TSHR: variants seen among roughly 807,000 people sequenced by gnomAD.
The protein encoded by TSHR is thyrotropin receptor.
Under a neutral mutation model 64.1 loss-of-function variants are expected in TSHR, and 51 were observed. The observed-to-expected ratio is 0.80, with a 90% CI of 0.64 to 1.01. The LOEUF is 1.01. Ranked by LOEUF, TSHR falls within the 50% of genes least tolerant of loss-of-function variation. TSHR has a pLI of 0.00. For synonymous variants in TSHR, 361 were observed against 361.9 expected, an observed-to-expected ratio of 1.00 and a Z score of 0.03; for missense variants, 877 against 942.8, an observed-to-expected ratio of 0.93 and a Z score of 0.91.
rs191159527 is a variant in TSHR at position 81,141,050 on chromosome 14, C to T, written c.881+1183C>T. ...CTGAGGCAGAAGAATTGCTTGAACC[C>T]GGTAGGCGGAGGTTGCAGTGAGCCG... On this transcript the variant is annotated intron_variant, in intron 9 of 9. Coordinates refer to ENST00000298171, the MANE Select transcript of TSHR (RefSeq NM_000369.5). Among the ~76,000 whole-genome samples the T allele has an allele frequency of 1.1e-4, 16 of 152,314 alleles. No homozygotes were observed. In the East Asian group the frequency reaches 1.9e-3, roughly 18 times the overall value.
At chr14:81,081,790 T>C (rs1304566970) in intron 3 of TSHR, among the ~76,000 whole-genome samples, 3 of 152,168 alleles carry the variant, frequency 2.0e-5, no homozygotes, top group Non-Finnish European at 4.4e-5. Context: ...TTAAAATAAA[T>C]AGTAACTATT....
chr14:81,037,731 AGAC>A (rs1300594880), intron 1 of TSHR, among the ~76,000 whole-genome samples: 3 of 141,386 alleles, frequency 2.1e-5, no homozygotes, highest in African/African-American at 7.8e-5. Flanking sequence ...TTGAAAGGGG[AGAC>A]AAAGAAGGTA....
At chr14:81,052,583 A>C (rs929842377) in intron 1 of TSHR, 1 of 152,200 alleles carries the variant, frequency 6.6e-6, no homozygotes, top group African/African-American at 2.4e-5. Context: ...GTGAAAAATG[A>C]CATTGGAATT....
intron 2 of TSHR, among the ~76,000 whole-genome samples, chr14:81,062,504 C>T (rs1434437024): frequency 6.6e-6 from 1 of 151,996 alleles, no homozygotes; most frequent in African/African-American, 2.4e-5. Flanking sequence ...TATGGCAAAA[C>T]CTTAGCTGTA....
chr14:80,991,998 G>A (rs568342653), intron 1 of TSHR: 38 of 166,218 alleles, frequency 2.3e-4, no homozygotes, highest in African/African-American at 8.8e-4. Context: ...AATGCTCTAA[G>A]TCTCTGGTTC....
intron 3 of TSHR, among the ~76,000 whole-genome samples, chr14:81,076,494 C>T (rs566770467): frequency 8.5e-5 from 13 of 152,288 alleles, no homozygotes; most frequent in African/African-American, 2.9e-4. Context: ...ACATATCTCA[C>T]GTTTTATATC....
chr14:81,048,827 C>G (rs1885295189), intron 1 of TSHR, among the ~76,000 whole-genome samples: 1 of 152,090 alleles, frequency 6.6e-6, no homozygotes, highest in South Asian at 2.1e-4. Flanking sequence ...CATGATTGCC[C>G]TCACTCTCTG....
At chr14:81,115,500 A>C (rs971758906) in intron 8 of TSHR, among the ~76,000 whole-genome samples, 20 of 146,644 alleles carry the variant, frequency 1.4e-4, no homozygotes, top group African/African-American at 5.1e-4. Flanking sequence ...AAAAGAAATG[A>C]GCAAAGCCTC....
chr14:81,106,641 A>G (rs1889910714), intron 7 of TSHR, among the ~76,000 whole-genome samples: 1 of 152,110 alleles, frequency 6.6e-6, no homozygotes, highest in Non-Finnish European at 1.5e-5. Flanking sequence ...CTAGTTCTCA[A>G]TCTCTATTTA....
Position 81,145,720 on chromosome 14 carries a change from T to C in TSHR, c.*1367T>C, listed in dbSNP as rs546214240. The C allele has an allele frequency of 5.1e-5, 12 of 233,162 alleles. No individual in the cohort carries two copies. The South Asian group carries it at 2.2e-3, about 42-fold the overall frequency. 14.4% of individuals were successfully genotyped at this position (233,162 alleles called of 1,614,324 possible). ...TGAAACTGCCAGCTCTTTCCAGCCC[T>C]GTTGATCACTGGACATAAAGCTTCT... On this transcript the variant is annotated 3_prime_UTR_variant, in exon 10 of 10. Transcript: ENST00000298171.
chr14:81,002,805 T>C (rs1426945925), intron 1 of TSHR, among the ~76,000 whole-genome samples: 36 of 32,092 alleles, frequency 1.1e-3, no homozygotes, highest in East Asian at 6.5e-3. Context: ...TTTTTTTTTT[T>C]TTATCTTTTT....
At chr14:81,101,462 T>A (rs1373720123) in intron 7 of TSHR, among the ~76,000 whole-genome samples, 3 of 152,222 alleles carry the variant, frequency 2.0e-5, no homozygotes, top group Non-Finnish European at 4.4e-5. Context: ...CTATAGCATA[T>A]TTCTGGTCAC....
At chr14:80,979,263 G>GCATCAGGCATATGTGGAGTCTAA (rs1888048797) in intron 1 of TSHR, among the ~76,000 whole-genome samples, 1 of 149,944 alleles carries the variant, frequency 6.7e-6, no homozygotes, top group Non-Finnish European at 1.5e-5. Context: ...TCTCGTAGAA[G>GCATCAGGCATATGTGGAGTCTAA]CATCATGCAT....
chr14:81,019,827 T>C (rs1883643498), intron 1 of TSHR, among the ~76,000 whole-genome samples: 1 of 152,206 alleles, frequency 6.6e-6, no homozygotes, highest in South Asian at 2.1e-4. Flanking sequence ...CTATAGTGTA[T>C]GTGCGCCACA....
intron 8 of TSHR, among the ~76,000 whole-genome samples, chr14:81,121,636 G>A (rs1159679609): frequency 1.3e-5 from 2 of 152,226 alleles, no homozygotes; most frequent in East Asian, 3.9e-4. Context: ...CAAGAGGAAG[G>A]TCTTCTAGAA....
At chr14:81,101,065 T>A (rs1258400117) in intron 7 of TSHR, among the ~76,000 whole-genome samples, 3 of 152,172 alleles carry the variant, frequency 2.0e-5, no homozygotes, top group African/African-American at 7.2e-5. Flanking sequence ...GGATTGACAG[T>A]CACCAGTCAT....
chr14:81,106,274 G>A (rs1359234745), intron 7 of TSHR, among the ~76,000 whole-genome samples: 1 of 152,146 alleles, frequency 6.6e-6, no homozygotes, highest in Non-Finnish European at 1.5e-5. Context: ...ACCTCAACAA[G>A]AACAGTTGGT....
At chr14:81,049,108 G>A (rs748341433) in intron 1 of TSHR, among the ~76,000 whole-genome samples, 11 of 152,146 alleles carry the variant, frequency 7.2e-5, no homozygotes, top group Non-Finnish European at 1.5e-4. Flanking sequence ...AGAATGTACT[G>A]TACTCACGTA....
intron 1 of TSHR, among the ~76,000 whole-genome samples, chr14:81,023,975 T>C (rs972043733): frequency 1.3e-5 from 2 of 152,194 alleles, no homozygotes; most frequent in Non-Finnish European, 2.9e-5. Context: ...CCTAAAATTT[T>C]AAAAAATTAA....
Sources: gnomAD v4.1 joint callset for allele counts (sites outside exome capture counted in the v4.1 genomes callset) on GRCh38, gnomAD v4.1.1 for gene constraint, MANE v1.5 for transcripts, NCBI Gene and HGNC (gene_info 2026-07-23, HGNC 2026-07-21) for gene names.